DPYSL2: variants seen among roughly 807,000 people sequenced by gnomAD.
DPYSL2 encodes the protein dihydropyrimidinase-related protein 2.
Under a neutral mutation model 69.9 loss-of-function variants are expected in DPYSL2, and 13 were observed. That is an observed-to-expected ratio of 0.19 (90% CI 0.12 to 0.30). The LOEUF (loss-of-function observed/expected upper bound fraction) is 0.30, where lower values mean the gene tolerates loss of function less well. Among genes scored for constraint, DPYSL2 ranks in the 10% least tolerant of loss-of-function variants. DPYSL2 has a pLI of 1.00. For synonymous variants in DPYSL2, 326 were observed against 359.1 expected (o/e 0.91, Z 1.04); for missense variants, 587 against 918.9 (o/e 0.64, Z 4.67).
Position 26,641,968 on chromosome 8 carries a change from A to G in DPYSL2, c.1127-1471A>G, listed in dbSNP as rs1314089255. On this transcript the variant is annotated intron_variant, in intron 8 of 13. Coordinates refer to ENST00000521913, the MANE Select transcript of DPYSL2 (RefSeq NM_001197293.3). The surrounding 1 kb of genome is among the most constrained non-coding windows in gnomAD (Gnocchi z 4.1). Reference sequence around the variant, plus strand: ...GCCTTCGGAAAGGCTGTGGAGAGGAAGGAAAACACATTCCTGACTGTGGTG... The same window carrying G: ...GCCTTCGGAAAGGCTGTGGAGAGGAGGGAAAACACATTCCTGACTGTGGTG... Among the ~76,000 whole-genome samples the G allele has an allele frequency of 6.6e-6, 1 of 152,180 alleles. No homozygotes were observed. Among genetic ancestry groups the G allele is most frequent in the Non-Finnish European group, 1.5e-5 (1 of 68,038 alleles).
At position 26,591,399 on chromosome 8, in the gene DPYSL2, A is replaced by G. The variant is rs1371884694; in HGVS notation, c.628+7416A>G. Among the ~76,000 whole-genome samples, 6 of 152,144 alleles carry G rather than the reference A, an allele frequency of 3.9e-5. No individual in the cohort carries two copies. Among genetic ancestry groups the G allele is most frequent in the African/African-American group, 1.2e-4 (5 of 41,432 alleles). On this transcript the variant is annotated intron_variant, in intron 3 of 13. Coordinates refer to ENST00000521913, the MANE Select transcript of DPYSL2 (RefSeq NM_001197293.3). The surrounding 1 kb of genome is among the most constrained non-coding windows in gnomAD (Gnocchi z 5.8). ...TTATTGCTAGATGAAAGCTTCCACGACACACATGTGTCTAAGTGTGCCCTT... is the reference window on the plus strand; with the variant it reads ...TTATTGCTAGATGAAAGCTTCCACGGCACACATGTGTCTAAGTGTGCCCTT...
rs1419082073 is a variant in DPYSL2, at chr8:26,609,401, G to A, written c.629-14742G>A. Reference sequence around the variant, plus strand: ...AGATGTTCTTCTGTGGGGGCTGCAAGTCCTTAAGTTATAGTTGGATTCCCT... The same window carrying A: ...AGATGTTCTTCTGTGGGGGCTGCAAATCCTTAAGTTATAGTTGGATTCCCT... On this transcript the variant is annotated intron_variant, in intron 3 of 13. Transcript: ENST00000521913. The surrounding 1 kb of genome is among the most constrained non-coding windows in gnomAD (Gnocchi z 6.5). Among the ~76,000 whole-genome samples the A allele has an allele frequency of 6.6e-6, 1 of 152,318 alleles. No homozygotes were observed. The highest frequency in any genetic ancestry group is 2.1e-4 in the South Asian group (1 of 4,828).
intron 11 of DPYSL2, among the ~76,000 whole-genome samples, chr8:26,651,239 C>T (rs1803274520): frequency 6.6e-6 from 1 of 152,182 alleles, no homozygotes; most frequent in Non-Finnish European, 1.5e-5. Flanking sequence ...GGGCATTGTG[C>T]ATTTACATGC....
At chr8:26,622,643 C>T (rs894565525) in intron 3 of DPYSL2, among the ~76,000 whole-genome samples, 2 of 152,240 alleles carry the variant, frequency 1.3e-5, no homozygotes, top group Non-Finnish European at 2.9e-5. Flanking sequence ...GCTGGGACTA[C>T]AGGCATGTGT....
chr8:26,601,886 C>T lies in DPYSL2; in HGVS notation c.628+17903C>T, dbSNP rs113764349. Among the ~76,000 whole-genome samples the T allele has an allele frequency of 3.1e-3, 476 of 152,296 alleles. 1 individual carries two copies. The highest frequency in any genetic ancestry group is 0.01 in the African/African-American group (434 of 41,560). ...AGCTTGAAATAAGCTCATAGTGGTG[C>T]GAAAGCAGGGATATTGAGGCAGGAC... On this transcript the variant is annotated intron_variant, in intron 3 of 13. Coordinates refer to ENST00000521913, the MANE Select transcript of DPYSL2 (RefSeq NM_001197293.3).
intron 1 of DPYSL2, among the ~76,000 whole-genome samples, chr8:26,548,739 C>T (rs1800823613): frequency 6.6e-6 from 1 of 151,590 alleles, no homozygotes; most frequent in Non-Finnish European, 1.5e-5. Context: ...AGTCACCAGA[C>T]ATGGTAGTGC....
In DPYSL2 at chr8:26,571,583, C is replaced by T. The variant is rs1436727104; in HGVS notation, c.355-10386C>T. 1.3e-5 allele frequency among the ~76,000 whole-genome samples: 2 copies of T among 152,088 alleles called. No individual in the cohort carries two copies. The highest frequency in any genetic ancestry group is 2.9e-5 in the Non-Finnish European group (2 of 68,020). ...CGCTAACTGGGGATAAGAGAAAGCC[C>T]GAGTCGACTAGATTCTGTGAAGTGC... On this transcript the variant is annotated intron_variant, in intron 1 of 13. Coordinates refer to ENST00000521913, the MANE Select transcript of DPYSL2 (RefSeq NM_001197293.3). This position sits in a 1 kb window ranked among gnomAD's most constrained non-coding sequence, Gnocchi z 6.1.
intron 8 of DPYSL2, chr8:26,637,947 CAGAGT>C (rs1188098578): frequency 6.6e-6 from 1 of 152,250 alleles, no homozygotes; most frequent in African/African-American, 2.4e-5. Context: ...GCGAGGAAAG[CAGAGT>C]AAAGATGCCT....
At chr8:26,606,101 A>G (rs1238282884) in intron 3 of DPYSL2, among the ~76,000 whole-genome samples, 1 of 152,212 alleles carries the variant, frequency 6.6e-6, no homozygotes, top group Non-Finnish European at 1.5e-5. Context: ...GCTCCAGAAG[A>G]GACAGCTATA....
chr8:26,553,898 CTT>C (rs35594312), intron 1 of DPYSL2, among the ~76,000 whole-genome samples: 53 of 117,044 alleles, frequency 4.5e-4, no homozygotes, highest in Admixed American at 2.3e-3. Context: ...TATTTTTGGG[CTT>C]TTTTTTTTTT....
In DPYSL2 at chr8:26,641,212, G is replaced by A. The variant is rs1803036730; in HGVS notation, c.1127-2227G>A. ...GAAACTCAGGAAAATGTTTATGTGT[G>A]TCCAGGGATTTTCAGAGACTATCCA... On this transcript the variant is annotated intron_variant, in intron 8 of 13. Transcript: ENST00000521913. This position sits in a 1 kb window ranked among gnomAD's most constrained non-coding sequence, Gnocchi z 4.1. 6.6e-6 allele frequency among the ~76,000 whole-genome samples: 1 copy of A among 152,212 alleles called. No individual in the cohort carries two copies. The highest frequency in any genetic ancestry group is 2.1e-4 in the South Asian group (1 of 4,824).
At chr8:26,575,675 C>A (rs1563392430) in intron 1 of DPYSL2, among the ~76,000 whole-genome samples, 1 of 152,028 alleles carries the variant, frequency 6.6e-6, no homozygotes. Flanking sequence ...CTCTTGGAAG[C>A]TTTTATTACA....
Position 26,514,633 on chromosome 8 carries a change from T to C in DPYSL2, c.308T>C (p.Ile103Thr), listed in dbSNP as rs1245848507. Residue 103 changes from isoleucine to threonine, a missense_variant, in exon 1 of 14, where the codon ATC becomes ACC. Coordinates refer to ENST00000521913, the MANE Select transcript of DPYSL2 (RefSeq NM_001197293.3). The surrounding 1 kb of genome is among the most constrained non-coding windows in gnomAD (Gnocchi z 8.4). ...GTTGAATCGGGCCGGAAGGTGGAGA[T>C]CCGGAGGGCCTCGGGCAAAGAAGCC... ...PSVESGRKVE[I>T]RRASGKEALQ... 1 of 1,398,316 alleles carries C rather than the reference T, an allele frequency of 7.2e-7. No homozygotes were observed. Among genetic ancestry groups the C allele is most frequent in the Admixed American group, 2.5e-5 (1 of 39,496 alleles). The allele number at this position is 1,398,316 out of a possible 1,614,324, so 86.6% of individuals were successfully genotyped here.
At chr8:26,541,037 A>G (rs536564833) in intron 1 of DPYSL2, among the ~76,000 whole-genome samples, 7 of 152,234 alleles carry the variant, frequency 4.6e-5, no homozygotes, top group African/African-American at 1.7e-4. Flanking sequence ...TAAACCCATC[A>G]TAAAGTCAAA....
rs1469171227 is a variant in DPYSL2 at position 26,571,707 on chromosome 8, C to A, written c.355-10262C>A. On this transcript the variant is annotated intron_variant, in intron 1 of 13. Coordinates refer to ENST00000521913, the MANE Select transcript of DPYSL2 (RefSeq NM_001197293.3). This position sits in a 1 kb window ranked among gnomAD's most constrained non-coding sequence, Gnocchi z 6.1. ...GTCCTCAGAATCCTAGCAGAGCCCC[C>A]ATGCTGGCCGGCAGTCTGTACAGTT... 6.6e-6 allele frequency among the ~76,000 whole-genome samples: 1 copy of A among 152,180 alleles called. No homozygotes were observed. The highest frequency in any genetic ancestry group is 1.5e-5 in the Non-Finnish European group (1 of 68,024).
chr8:26,577,995 C>CTT (rs1801398125), intron 1 of DPYSL2: 6 of 61,164 alleles, frequency 9.8e-5, no homozygotes, highest in Non-Finnish European at 1.6e-4. Flanking sequence ...CTCTCTCCTT[C>CTT]TCTCTCTCTC....
intron 3 of DPYSL2, among the ~76,000 whole-genome samples, chr8:26,596,794 C>G (rs1185012620): frequency 6.6e-6 from 1 of 152,218 alleles, no homozygotes; most frequent in Non-Finnish European, 1.5e-5. Flanking sequence ...GGGCCAATGG[C>G]CCTTGCATAT....
intron 1 of DPYSL2, among the ~76,000 whole-genome samples, chr8:26,515,492 CTG>C (rs1808267790): frequency 1.3e-5 from 2 of 152,230 alleles, no homozygotes; most frequent in South Asian, 4.1e-4. Flanking sequence ...TCGAAATAGA[CTG>C]TCGAAGAAGA....
In DPYSL2 at chr8:26,560,940, G is replaced by A. The variant is rs1433669515; in HGVS notation, c.355-21029G>A. ...TAAAGAAGAATTTAAATTGAGCTAG[G>A]GGAAGGGAAGTTGTAAGAGAGCAGC... On this transcript the variant is annotated intron_variant, in intron 1 of 13. Coordinates refer to ENST00000521913, the MANE Select transcript of DPYSL2 (RefSeq NM_001197293.3). The surrounding 1 kb of genome is among the most constrained non-coding windows in gnomAD (Gnocchi z 4.4). Among the ~76,000 whole-genome samples, 2 of 152,104 alleles carry A rather than the reference G, an allele frequency of 1.3e-5. No individual in the cohort carries two copies. The highest frequency in any genetic ancestry group is 1.3e-4 in the Admixed American group (2 of 15,266).
Sources: allele counts gnomAD v4.1 joint callset (sites outside exome capture counted in the v4.1 genomes callset), GRCh38; gene constraint gnomAD v4.1.1; non-coding constraint Gnocchi (gnomAD v3.1); transcripts MANE v1.5; gene names NCBI Gene and HGNC (gene_info 2026-07-23, HGNC 2026-07-21).